Variants in CCNA2 observed in about 807,000 individuals in gnomAD.
CCNA2 encodes cyclin A2.
CCNA2 carries 3 observed loss-of-function variants against 49.4 expected under a neutral mutation model. That is an observed-to-expected ratio of 0.06 (90% CI 0.03 to 0.16). The LOEUF (loss-of-function observed/expected upper bound fraction) is 0.16, where lower values mean the gene tolerates loss of function less well. Among genes scored for constraint, CCNA2 ranks in the 10% least tolerant of loss-of-function variants. CCNA2 has a pLI of 1.00. For synonymous variants in CCNA2, 206 were observed against 197.2 expected (o/e 1.04, Z -0.37); for missense variants, 372 against 519.7 (o/e 0.72, Z 2.76).
Position 121,823,486 on chromosome 4 carries a change from G to A in CCNA2, c.143C>T (p.Ala48Val). The change falls in exon 1 of 8, where the codon GCC (alanine) becomes GTC (valine). Residue 48 changes from alanine to valine, a missense_variant. Ala to Val is a moderately conservative substitution (Grantham distance 64). Coordinates refer to ENST00000274026, the MANE Select transcript of CCNA2 (RefSeq NM_001237.5). The stretch of plus-strand genomic sequence containing the variant: ...CCCGGACTTCAGTACCGCCAGCGCG[G>A]CCCGGGTCCGCGGTTGTTGGACGGG... The part of the protein sequence containing the change: ...AAPVQQPRTR[A>V]ALAVLKSGNP... 1 of 1,613,432 alleles carries A rather than the reference G, an allele frequency of 6.2e-7. No individual in the cohort carries two copies. Among genetic ancestry groups the A allele is most frequent in the East Asian group, 2.2e-5 (1 of 44,876 alleles).
intron 7 of CCNA2, 110 bp from the exon 8 acceptor site, chr4:121,817,796 C>T (rs1388999985): frequency 2.1e-6 from 3 of 1,444,104 alleles, no homozygotes; most frequent in African/African-American, 2.8e-5. Context: ...CTATTTCTGT[C>T]TGACCGACTT....
chr4:121,822,258 G>A, intron 2 of CCNA2, 145 bp downstream of exon 2: 2 of 788,238 alleles, frequency 2.5e-6, no homozygotes, highest in Non-Finnish European at 4.0e-6. Flanking sequence ...TCTGAGATAA[G>A]TCACATCCTT....
At chr4:121,817,714 T>TG (rs1724579109) in intron 7 of CCNA2, 28 bp from the exon 8 acceptor site, 1 of 1,613,506 alleles carries the variant, frequency 6.2e-7, no homozygotes, top group Non-Finnish European at 8.5e-7. Flanking sequence ...AAAAGCATTT[T>TG]TAGTAAACAC....
intron 7 of CCNA2, 80 bp downstream of exon 7, chr4:121,817,964 T>A: frequency 7.2e-7 from 1 of 1,383,716 alleles, no homozygotes; most frequent in Non-Finnish European, 1.0e-6. Context: ...TATGGCAGAT[T>A]CATGAATAAG....
In CCNA2 at chr4:121,822,566, C is replaced by G. The variant is rs990232931; in HGVS notation, c.294G>C (p.Ala98=). ...CTGCTTCATCCACATGAATGGTGAA[C>G]GCAGGCTGTTTACTGTTTGCTTTCC... ...PPWKANSKQP[A]FTIHVDEAEK... The change falls in exon 2 of 8, where the codon GCG becomes GCC. Residue 98 remains alanine (A), a synonymous_variant. Transcript: ENST00000274026. The G allele has an allele frequency of 6.2e-7, 1 of 1,613,982 alleles. No homozygotes were observed. The highest frequency in any genetic ancestry group is 8.5e-7 in the Non-Finnish European group (1 of 1,180,046).
intron 5 of CCNA2, among the ~76,000 whole-genome samples, 178 bp downstream of exon 5, chr4:121,819,194 T>A (rs991622583): frequency 5.9e-5 from 9 of 152,222 alleles, no homozygotes; most frequent in African/African-American, 2.2e-4. Flanking sequence ...TTTCCTGATA[T>A]AGATTATCTT....
At chr4:121,822,257 A>C in intron 2 of CCNA2, 146 bp downstream of exon 2, 1 of 770,448 alleles carries the variant, frequency 1.3e-6, no homozygotes, top group Non-Finnish European at 2.0e-6. Context: ...ATCTGAGATA[A>C]GTCACATCCT....
chr4:121,823,536 C>T lies in CCNA2; in HGVS notation c.93G>A (p.Glu31=), dbSNP rs754454820. Residue 31 remains glutamate (E), a synonymous_variant, in exon 1 of 8, where the codon GAG becomes GAA. Coordinates refer to ENST00000274026, the MANE Select transcript of CCNA2 (RefSeq NM_001237.5). ...LQQTALQEDQ[E]NINPEKAAPV... is the part of the protein sequence containing the mutation. Reference sequence around the variant, plus strand: ...GCGCTGCCTTTTCCGGGTTGATATTCTCCTGGTCCTCTTGGAGCGCCGTCT... The same window carrying T: ...GCGCTGCCTTTTCCGGGTTGATATTTTCCTGGTCCTCTTGGAGCGCCGTCT... The T allele has an allele frequency of 6.2e-7, 1 of 1,612,710 alleles. No individual in the cohort carries two copies. Among genetic ancestry groups the T allele is most frequent in the Non-Finnish European group, 8.5e-7 (1 of 1,179,604 alleles).
chr4:121,816,691 G>A lies in CCNA2; in HGVS notation c.*947C>T. ...AGCTGACACATTTTAGATCCTACTG[G>A]AAAACTAAGAAATGCCTCTTATTTC... On this transcript the variant is annotated 3_prime_UTR_variant, in exon 8 of 8. Coordinates refer to ENST00000274026, the MANE Select transcript of CCNA2 (RefSeq NM_001237.5). The A allele has an allele frequency of 3.6e-6, 5 of 1,395,602 alleles. No individual in the cohort carries two copies. In the South Asian group the frequency reaches 7.6e-5, roughly 21 times the overall value. The allele number at this position is 1,395,602 out of a possible 1,614,324, so 86.5% of individuals were successfully genotyped here.
rs1578511517 is a variant in CCNA2, at chr4:121,817,763, CAT to C, written c.1251-79_1251-78del. 1.9e-6 allele frequency: 3 copies of C among 1,576,062 alleles called. No homozygotes were observed. The African/African-American group carries it at 4.1e-5, about 21-fold the overall frequency. ...GAGATCATGGAATAATGTTTGTACT[CAT>C]GTATTGGGAACTAAAAAATGCTATT... is the stretch of plus-strand genomic sequence containing the variant. On this transcript the variant is annotated intron_variant, in intron 7 of 7. Coordinates refer to ENST00000274026, the MANE Select transcript of CCNA2 (RefSeq NM_001237.5).
Position 121,821,064 on chromosome 4 carries a change from A to G in CCNA2, c.485T>C (p.Ile162Thr), listed in dbSNP as rs1322448197. The G allele has an allele frequency of 3.7e-6, 6 of 1,613,034 alleles. No homozygotes were observed. The highest frequency in any genetic ancestry group is 3.3e-5 in the Admixed American group (2 of 59,984). Residue 162 changes from isoleucine to threonine, a missense_variant, in exon 3 of 8, where the codon ATT (isoleucine) becomes ACT (threonine). Transcript: ENST00000274026. ...CACTGGCTTTTCATCTTCTAATATA[A>G]TTGACATGTCCATAGTATGTGGTGA... ...FESPHTMDMS[I>T]ILEDEKPVSV...
At position 121,822,497 on chromosome 4, in the gene CCNA2, C is replaced by G; in HGVS notation, c.363G>C (p.Glu121Asp). The G allele has an allele frequency of 6.2e-7, 1 of 1,614,124 alleles. No individual in the cohort carries two copies. Among genetic ancestry groups the G allele is most frequent in the Non-Finnish European group, 8.5e-7 (1 of 1,180,020 alleles). The change falls in exon 2 of 8, where the codon GAG (glutamate) becomes GAC (aspartate). Residue 121 changes from glutamate to aspartate, a missense_variant. Around this residue, in one of 2 missense-constraint regions of CCNA2, gnomAD observed 217 missense variants for 231.7 expected, o/e 0.94. Transcript: ENST00000274026. ...QKKPAESQKI[E>D]REDALAFNSA... ...AATTAAAAGCCAGGGCATCTTCACGCTCTATTTTTTGAGATTCAGCTGGCT... is the reference window on the plus strand; with the variant it reads ...AATTAAAAGCCAGGGCATCTTCACGGTCTATTTTTTGAGATTCAGCTGGCT...
In CCNA2 at chr4:121,816,491, C is replaced by CACTT. The variant is rs1238516431; in HGVS notation, c.*1143_*1146dup. On this transcript the variant is annotated 3_prime_UTR_variant, in exon 8 of 8. Coordinates refer to ENST00000274026, the MANE Select transcript of CCNA2 (RefSeq NM_001237.5). Reference sequence around the variant, plus strand: ...ATTTCAAATGTATACATATACTCAACACTTATAGAGGTTTGCTCTCTGGTT... The same window carrying CACTT: ...ATTTCAAATGTATACATATACTCAACACTTACTTATAGAGGTTTGCTCTCTGGTT... 8.1e-7 allele frequency: 1 copy of CACTT among 1,240,614 alleles called. No individual in the cohort carries two copies. Among genetic ancestry groups the CACTT allele is most frequent in the South Asian group, 1.4e-5 (1 of 73,270 alleles). The allele number at this position is 1,240,614 out of a possible 1,614,324, so 76.9% of individuals were successfully genotyped here.
Position 121,823,679 on chromosome 4 carries a change from T to G in CCNA2, c.-51A>C. 3 of 1,516,034 alleles carry G rather than the reference T, an allele frequency of 2.0e-6. No homozygotes were observed. The highest frequency in any genetic ancestry group is 2.0e-5 in the Admixed American group (1 of 49,758). The allele number at this position is 1,516,034 out of a possible 1,614,324, so 93.9% of individuals were successfully genotyped here. ...GATCAGCCTGCGGCGCCAAGCAGCG[T>G]GCACTCTGCCCAGCCGACCACTCGC... On this transcript the variant is annotated 5_prime_UTR_variant, in exon 1 of 8. Transcript: ENST00000274026.
chr4:121,822,061 G>A (rs987598110), intron 2 of CCNA2, among the ~76,000 whole-genome samples: 17 of 152,168 alleles, frequency 1.1e-4, no homozygotes, highest in Admixed American at 1.1e-3. Context: ...ATAGCACTAA[G>A]TGATATATAA....
intron 5 of CCNA2, 108 bp from the exon 6 acceptor site, chr4:121,819,021 C>A (rs892941395): frequency 4.4e-6 from 3 of 680,842 alleles, no homozygotes; most frequent in African/African-American, 1.8e-5. Context: ...TCTGTAGCAA[C>A]TCTAGAAAAA....
rs568350890 is a variant in CCNA2, at chr4:121,818,085, C to A, written c.1209G>T (p.Gln403His). 224 of 1,613,894 alleles carry A rather than the reference C, an allele frequency of 1.4e-4. 6 individuals carry two copies. In the South Asian group the frequency reaches 2.4e-3, roughly 18 times the overall value. ...TTTCTCTTATTGACTGTTGTGCATG[C>A]TGTGGTGCTTTGAGGTAGGTCTGGT... ...DLHQTYLKAP[Q>H]HAQQSIREKY... is the part of the protein sequence containing the mutation. The change falls in exon 7 of 8, where the codon CAG becomes CAT. Residue 403 changes from glutamine to histidine, a missense_variant. Gln to His is a conservative substitution (Grantham distance 24, BLOSUM62 0). This residue lies in a region of CCNA2 where 155 missense variants were observed against 288.1 expected (regional missense o/e 0.54). Coordinates refer to ENST00000274026, the MANE Select transcript of CCNA2 (RefSeq NM_001237.5).
chr4:121,819,639 A>G (rs1724638442), intron 4 of CCNA2, 60 bp from the exon 5 acceptor site: 1 of 1,149,336 alleles, frequency 8.7e-7, no homozygotes, highest in African/African-American at 1.5e-5. Context: ...TCCTTATCCC[A>G]GTTCTGAAAT....
intron 4 of CCNA2, 97 bp from the exon 5 acceptor site, chr4:121,819,676 C>A: frequency 1.3e-6 from 1 of 750,610 alleles, no homozygotes; most frequent in Non-Finnish European, 2.3e-6. Context: ...GGAATGAATC[C>A]AAAATCCACA....
Sources: gnomAD v4.1 joint callset for allele counts (sites outside exome capture counted in the v4.1 genomes callset) on GRCh38, gnomAD v4.1.1 for gene constraint, gnomAD v4.1.1 regional missense constraint, MANE v1.5 for transcripts, NCBI Gene and HGNC (gene_info 2026-07-23, HGNC 2026-07-21) for gene names.